TXNDC16: variants seen among roughly 807,000 people sequenced by gnomAD.
TXNDC16 encodes thioredoxin domain-containing protein 16.
A neutral mutation model predicts 85.6 loss-of-function variants in TXNDC16; 74 were observed. The ratio of observed to expected loss-of-function variants is 0.86; its 90% CI spans 0.72 to 1.05. The LOEUF (loss-of-function observed/expected upper bound fraction) is 1.05. Among genes scored for constraint, TXNDC16 ranks in the 50% least tolerant of loss-of-function variants. The pLI, the probability that TXNDC16 is intolerant of heterozygous loss-of-function variation, is 0.00. For missense variants in TXNDC16, 959 were observed against 947.0 expected (o/e 1.01, Z -0.17); for synonymous variants, 335 against 326.5 (o/e 1.03, Z -0.28).
At chr14:52,504,878 C>G (rs2036754841) in intron 9 of TXNDC16, among the ~76,000 whole-genome samples, 2 of 152,054 alleles carry the variant, frequency 1.3e-5, no homozygotes, top group South Asian at 2.1e-4. Flanking sequence ...GGAGGAAGAT[C>G]TACCAAGCAA....
At chr14:52,537,758 TAC>T in intron 4 of TXNDC16, 86 bp from the exon 5 acceptor site, 1 of 768,138 alleles carries the variant, frequency 1.3e-6, no homozygotes, top group Non-Finnish European at 2.2e-6. Flanking sequence ...AATTAAATAT[TAC>T]AGTTTGTTGC....
In TXNDC16 at chr14:52,514,866, CT is replaced by C; in HGVS notation, c.605+13del. On this transcript the variant is annotated intron_variant, in intron 8 of 20. Transcript: ENST00000281741. ...AAAACCTTTAAATTGTTGACATATG[CT>C]TTTTATACATACCCAATACTTTCCA... 2 of 1,576,892 alleles carry C rather than the reference CT, an allele frequency of 1.3e-6. No individual in the cohort carries two copies. The highest frequency in any genetic ancestry group is 1.7e-6 in the Non-Finnish European group (2 of 1,160,132).
intron 18 of TXNDC16, among the ~76,000 whole-genome samples, chr14:52,447,070 C>T (rs959466372): frequency 3.9e-5 from 6 of 152,038 alleles, no homozygotes; most frequent in African/African-American, 1.4e-4. Flanking sequence ...GGTACCAGCT[C>T]TGCCAGAGAA....
chr14:52,488,731 G>A (rs1451943386), intron 11 of TXNDC16, among the ~76,000 whole-genome samples: 1 of 150,150 alleles, frequency 6.7e-6, no homozygotes, highest in Non-Finnish European at 1.5e-5. Flanking sequence ...CTACTTGGGA[G>A]GCTGAAACAG....
At chr14:52,512,678 T>C (rs1035158632) in intron 8 of TXNDC16, among the ~76,000 whole-genome samples, 5 of 152,206 alleles carry the variant, frequency 3.3e-5, no homozygotes, top group Non-Finnish European at 7.3e-5. Context: ...CAGTGAAACT[T>C]ATTTGAAGTT....
At chr14:52,488,296 T>G (rs754182787) in intron 12 of TXNDC16, 67 bp downstream of exon 12, 5 of 1,574,134 alleles carry the variant, frequency 3.2e-6, no homozygotes, top group Non-Finnish European at 4.3e-6. Context: ...GTTAATCCAT[T>G]GGAAATTTCA....
intron 6 of TXNDC16, among the ~76,000 whole-genome samples, chr14:52,533,764 A>T (rs1453068012): frequency 6.6e-6 from 1 of 152,118 alleles, no homozygotes. Flanking sequence ...GTCCCAAACA[A>T]CAGGCCCCAC....
intron 9 of TXNDC16, among the ~76,000 whole-genome samples, chr14:52,502,802 G>C (rs1011019793): frequency 6.6e-6 from 1 of 152,206 alleles, no homozygotes; most frequent in Non-Finnish European, 1.5e-5. Flanking sequence ...AAGTGCAAGG[G>C]GTCAGGGAAT....
chr14:52,514,169 T>C (rs772060116), intron 8 of TXNDC16, among the ~76,000 whole-genome samples: 27 of 152,174 alleles, frequency 1.8e-4, no homozygotes, highest in Non-Finnish European at 3.7e-4. Context: ...TGCTATGCCC[T>C]AGCCTCTAAA....
chr14:52,463,433 T>C (rs2035699504), intron 16 of TXNDC16, among the ~76,000 whole-genome samples: 1 of 152,162 alleles, frequency 6.6e-6, no homozygotes, highest in Admixed American at 6.5e-5. Context: ...GAACTAAATT[T>C]AATAGAGTTT....
chr14:52,504,773 G>A (rs889401416), intron 9 of TXNDC16, among the ~76,000 whole-genome samples: 1 of 152,110 alleles, frequency 6.6e-6, no homozygotes, highest in South Asian at 2.1e-4. Context: ...CACACAGCCT[G>A]GCAAATTGGA....
At chr14:52,453,366 T>A (rs944641397) in intron 18 of TXNDC16, among the ~76,000 whole-genome samples, 1 of 152,178 alleles carries the variant, frequency 6.6e-6, no homozygotes, top group Non-Finnish European at 1.5e-5. Flanking sequence ...CAAAGAGATA[T>A]CTGCACTCGC....
At chr14:52,521,314 A>G (rs1395757273) in intron 6 of TXNDC16, among the ~76,000 whole-genome samples, 1 of 141,920 alleles carries the variant, frequency 7.0e-6, no homozygotes, top group East Asian at 2.1e-4. Context: ...GTAGAGATGG[A>G]GTTTCACCAT....
chr14:52,497,041 T>G (rs2140162351), intron 9 of TXNDC16, among the ~76,000 whole-genome samples: 1 of 152,146 alleles, frequency 6.6e-6, no homozygotes, highest in Admixed American at 6.5e-5. Flanking sequence ...AAATAGAAAT[T>G]AGTATAAGAG....
In TXNDC16 at chr14:52,490,931, A is replaced by G. The variant is rs1389230495; in HGVS notation, c.831T>C (p.Val277=). The G allele has an allele frequency of 1.2e-6, 2 of 1,613,780 alleles. No homozygotes were observed. Among genetic ancestry groups the G allele is most frequent in the Middle Eastern group, 1.7e-4 (1 of 6,060 alleles). ...LQLGLPLVFI[V]SQQATYEADR... Reference sequence around the variant, plus strand: ...CAGCTTCATAAGTAGCCTGTTGGCTAACAATAAAAACCAGTGGTAAGCCCA... The same window carrying G: ...CAGCTTCATAAGTAGCCTGTTGGCTGACAATAAAAACCAGTGGTAAGCCCA... Residue 277 remains valine, a synonymous_variant, in exon 10 of 21, where the codon GTT becomes GTC. Transcript: ENST00000281741.
intron 16 of TXNDC16, among the ~76,000 whole-genome samples, chr14:52,466,287 G>T (rs1438041012): frequency 6.7e-6 from 1 of 150,234 alleles, no homozygotes; most frequent in Non-Finnish European, 1.5e-5. Context: ...CAACAACCTG[G>T]GAGAATGAGG....
At chr14:52,480,975 G>GTGTATGTATATATATA (rs1238227587) in intron 14 of TXNDC16, among the ~76,000 whole-genome samples, 26 of 134,988 alleles carry the variant, frequency 1.9e-4, no homozygotes, top group African/African-American at 6.7e-4. Flanking sequence ...ATATATATAT[G>GTGTATGTATATATATA]TATATATATA....
intron 11 of TXNDC16, 46 bp from the exon 12 acceptor site, chr14:52,488,532 T>C (rs1187967358): frequency 2.7e-6 from 4 of 1,498,186 alleles, no homozygotes; most frequent in South Asian, 1.2e-5. Context: ...CAAAGTATTT[T>C]GACATAAAAA....
At chr14:52,457,786 T>C (rs1366521562) in intron 16 of TXNDC16, among the ~76,000 whole-genome samples, 3 of 152,248 alleles carry the variant, frequency 2.0e-5, no homozygotes, top group African/African-American at 7.2e-5. Flanking sequence ...ATATTCAAAA[T>C]ACAAGCTATT....
Sources: allele counts gnomAD v4.1 joint callset (sites outside exome capture counted in the v4.1 genomes callset), GRCh38; gene constraint gnomAD v4.1.1; transcripts MANE v1.5; gene names NCBI Gene and HGNC (gene_info 2026-07-23, HGNC 2026-07-21).